The following ZNF407 variants were observed in gnomAD, a reference collection of about 807,000 sequenced individuals.
The protein encoded by ZNF407 is zinc finger protein 407.
In ZNF407, 17 loss-of-function variants were observed where a neutral mutation model predicts 131.2. The ratio of observed to expected loss-of-function variants is 0.13; its 90% CI spans 0.09 to 0.19. The LOEUF is 0.19. ZNF407 is among the 10% of genes least tolerant of loss of function. The probability of loss-of-function intolerance (pLI) is 1.00; values close to 1 mark genes in which losing one functional copy is unlikely to be tolerated. For synonymous variants in ZNF407, 1,156 were observed against 1,062.0 expected (o/e 1.09, Z -1.72); for missense variants, 2,681 against 2,830.6 (o/e 0.95, Z 1.20).
intron 8 of ZNF407, among the ~76,000 whole-genome samples, chr18:74,991,297 T>C (rs975566265): frequency 1.3e-5 from 2 of 152,220 alleles, no homozygotes; most frequent in Non-Finnish European, 2.9e-5. Context: ...ATTTGGGTTA[T>C]GTTTAACAGC....
chr18:74,924,370 C>T (rs1971885538), intron 8 of ZNF407, among the ~76,000 whole-genome samples: 1 of 151,806 alleles, frequency 6.6e-6, no homozygotes, highest in Non-Finnish European at 1.5e-5. Flanking sequence ...TTCTGAAGAG[C>T]TTCATTTAGG....
intron 7 of ZNF407, among the ~76,000 whole-genome samples, chr18:74,918,141 CA>C: frequency 6.6e-6 from 1 of 152,294 alleles, no homozygotes; most frequent in South Asian, 2.1e-4. Context: ...AGACATGACC[CA>C]GAGCTGTTAC....
At chr18:74,955,687 C>T (rs1972267527) in intron 8 of ZNF407, among the ~76,000 whole-genome samples, 1 of 152,104 alleles carries the variant, frequency 6.6e-6, no homozygotes, top group African/African-American at 2.4e-5. Context: ...CCCTGTTTTC[C>T]AAGGTGGTGA....
At chr18:74,814,996 A>G (rs1308327744) in intron 4 of ZNF407, among the ~76,000 whole-genome samples, 1 of 151,890 alleles carries the variant, frequency 6.6e-6, no homozygotes, top group African/African-American at 2.4e-5. Context: ...AAAATTTTAC[A>G]ATGTAAAATT....
At chr18:74,807,537 G>A (rs549946725) in intron 4 of ZNF407, among the ~76,000 whole-genome samples, 100 of 152,124 alleles carry the variant, frequency 6.6e-4, no homozygotes, top group Non-Finnish European at 1.2e-3. Flanking sequence ...CCCAGTTGTT[G>A]GCAACTGAGT....
intron 3 of ZNF407, among the ~76,000 whole-genome samples, chr18:74,723,460 G>C (rs1307950050): frequency 3.3e-5 from 5 of 152,162 alleles, no homozygotes; most frequent in Non-Finnish European, 5.9e-5. Context: ...CAGTTAACTT[G>C]ATTAGCATCA....
intron 8 of ZNF407, among the ~76,000 whole-genome samples, chr18:74,951,915 G>A (rs561134961): frequency 6.6e-6 from 1 of 151,828 alleles, no homozygotes; most frequent in South Asian, 2.1e-4. Context: ...AGTAATTCTA[G>A]GAAACTTCTG....
At chr18:74,910,896 TC>T (rs1398113350) in intron 7 of ZNF407, among the ~76,000 whole-genome samples, 2 of 152,158 alleles carry the variant, frequency 1.3e-5, no homozygotes, top group Non-Finnish European at 2.9e-5. Flanking sequence ...TCTGACTCCT[TC>T]CCGTATCCCT....
intron 3 of ZNF407, among the ~76,000 whole-genome samples, chr18:74,648,344 GT>G (rs149159612): frequency 0.11 from 16,628 of 152,228 alleles, 1,013 homozygotes; most frequent in Non-Finnish European, 0.14. Context: ...AGGCTGGATT[GT>G]GAAGCCAGGT....
chr18:74,963,530 A>T (rs1972373377), intron 8 of ZNF407, among the ~76,000 whole-genome samples: 1 of 152,206 alleles, frequency 6.6e-6, no homozygotes, highest in Non-Finnish European at 1.5e-5. Context: ...TTTACATGTT[A>T]CAAAACAATT....
chr18:74,626,131 T>A (rs1193232611), intron 1 of ZNF407, among the ~76,000 whole-genome samples: 1 of 152,206 alleles, frequency 6.6e-6, no homozygotes, highest in Non-Finnish European at 1.5e-5. Context: ...TTAAAAAGTA[T>A]TCAGTGCCAT....
chr18:74,836,115 A>G lies in ZNF407; in HGVS notation c.4878-41082A>G, dbSNP rs540051523. Among the ~76,000 whole-genome samples, 52 of 152,276 alleles carry G rather than the reference A, an allele frequency of 3.4e-4. 2 individuals are homozygous for G. In the South Asian group the frequency reaches 0.011, roughly 32 times the overall value. ...TAAGGAGTTAAGAAGTTTTAAATGA[A>G]GGACAAAAAATAGGTTAAAAACTTA... On this transcript the variant is annotated intron_variant, in intron 4 of 8. Coordinates refer to ENST00000299687, the MANE Select transcript of ZNF407 (RefSeq NM_017757.3).
At chr18:74,983,040 A>ATGTTTTTCAAAAACCAAGCC (rs1291082768) in intron 8 of ZNF407, among the ~76,000 whole-genome samples, 1 of 152,244 alleles carries the variant, frequency 6.6e-6, no homozygotes, top group East Asian at 1.9e-4. Context: ...CAAGAACATG[A>ATGTTTTTCAAAAACCAAGCC]TGTTTTTCAA....
intron 3 of ZNF407, among the ~76,000 whole-genome samples, chr18:74,717,677 A>G (rs943558049): frequency 1.3e-5 from 2 of 152,240 alleles, no homozygotes; most frequent in Non-Finnish European, 1.5e-5. Context: ...AACTTTAAAA[A>G]AAATGTAACT....
rs1422493966 is a variant in ZNF407, at chr18:74,754,020, C to G, written c.4803-27408C>G. On this transcript the variant is annotated intron_variant, in intron 3 of 8. Coordinates refer to ENST00000299687, the MANE Select transcript of ZNF407 (RefSeq NM_017757.3). ...AGGCTATTAATTATTGTCTCAATTT[C>G]AGAGCCTGTTACTGGTCTATTCAGG... Among the ~76,000 whole-genome samples, 4 of 152,166 alleles carry G rather than the reference C, an allele frequency of 2.6e-5. No individual in the cohort carries two copies. The South Asian group carries it at 6.2e-4, about 24-fold the overall frequency.
At chr18:74,700,993 A>G (rs921402625) in intron 3 of ZNF407, among the ~76,000 whole-genome samples, 1 of 152,150 alleles carries the variant, frequency 6.6e-6, no homozygotes, top group Admixed American at 6.5e-5. Context: ...TATAGGGGGT[A>G]GTTAAGGTTA....
Position 74,738,774 on chromosome 18 carries a change from A to G in ZNF407, c.4803-42654A>G, listed in dbSNP as rs952303402. Among the ~76,000 whole-genome samples the G allele has an allele frequency of 1.8e-4, 27 of 152,268 alleles. 2 individuals carry two copies. The South Asian group carries it at 5.4e-3, about 30-fold the overall frequency. On this transcript the variant is annotated intron_variant, in intron 3 of 8. Transcript: ENST00000299687. Reference sequence around the variant, plus strand: ...AGGGAATATTTTCTCAGAATTCTCTATGAATTCTGTAAAACAGTACAGAGT... The same window carrying G: ...AGGGAATATTTTCTCAGAATTCTCTGTGAATTCTGTAAAACAGTACAGAGT...
intron 8 of ZNF407, among the ~76,000 whole-genome samples, chr18:74,933,469 T>C (rs1281305057): frequency 3.3e-5 from 5 of 152,296 alleles, no homozygotes; most frequent in Admixed American, 6.5e-5. Flanking sequence ...GAAAGAGTTG[T>C]AGAGACTGGT....
intron 4 of ZNF407, among the ~76,000 whole-genome samples, chr18:74,874,738 A>T (rs1313530520): frequency 6.8e-5 from 9 of 133,282 alleles, no homozygotes; most frequent in Non-Finnish European, 1.3e-4. Context: ...TTATAATGGC[A>T]TTTAATTTTT....
Sources: gnomAD v4.1 joint callset for allele counts (sites outside exome capture counted in the v4.1 genomes callset) on GRCh38, gnomAD v4.1.1 for gene constraint, MANE v1.5 for transcripts, NCBI Gene and HGNC (gene_info 2026-07-23, HGNC 2026-07-21) for gene names.